The following EPHB3 variants were observed in gnomAD, a reference collection of about 807,000 sequenced individuals.
EPHB3 encodes EPH receptor B3.
In EPHB3, 33 loss-of-function variants were observed where a neutral mutation model predicts 100.2. The ratio of observed to expected loss-of-function variants is 0.33; its 90% CI spans 0.25 to 0.44. EPHB3 has a LOEUF of 0.44. EPHB3 is among the 20% of genes least tolerant of loss of function. The pLI is 1.00. For synonymous variants in EPHB3, 526 were observed against 554.7 expected (o/e 0.95, Z 0.73); for missense variants, 1,045 against 1,378.3 (o/e 0.76, Z 3.83).
At position 184,578,198 on chromosome 3, in the gene EPHB3, C is replaced by A. The variant is rs555148231; in HGVS notation, c.1748+192C>A. 1.2e-6 allele frequency: 1 copy of A among 860,006 alleles called. No homozygotes were observed. The highest frequency in any genetic ancestry group is 1.8e-6 in the Non-Finnish European group (1 of 568,264). The allele number at this position is 860,006 out of a possible 1,614,324, so 53.3% of individuals were successfully genotyped here. A position where few individuals can be genotyped will look rare whatever the true frequency, so the allele number is the denominator to read the frequency against. On this transcript the variant is annotated intron_variant, in intron 8 of 15. Coordinates refer to ENST00000330394, the MANE Select transcript of EPHB3 (RefSeq NM_004443.4). The surrounding 1 kb of genome is among the most constrained non-coding windows in gnomAD (Gnocchi z 4.7). ...GTCTTCATCCCGCCCTTTCTCCATA[C>A]CCCATTCCCTGAATCTCCGGGCAGG... is the stretch of plus-strand genomic sequence containing the variant.
rs533548773 is a variant in EPHB3, at chr3:184,569,530, C to G, written c.119-1788C>G. 2.6e-5 allele frequency among the ~76,000 whole-genome samples: 4 copies of G among 152,246 alleles called. No homozygotes were observed. The highest frequency in any genetic ancestry group is 9.6e-5 in the African/African-American group (4 of 41,556). On this transcript the variant is annotated intron_variant, in intron 1 of 15. Transcript: ENST00000330394. This position sits in a 1 kb window ranked among gnomAD's most constrained non-coding sequence, Gnocchi z 5.4. The stretch of plus-strand genomic sequence containing the variant: ...TGAGCATCTCGGCTTCCCTCGAGTA[C>G]CCCCCAGGCCGAATGTCTGTGTCTG...
At position 184,579,632 on chromosome 3, in the gene EPHB3, G is replaced by A; in HGVS notation, c.1924+33G>A. On this transcript the variant is annotated intron_variant, in intron 10 of 15. Coordinates refer to ENST00000330394, the MANE Select transcript of EPHB3 (RefSeq NM_004443.4). This position sits in a 1 kb window ranked among gnomAD's most constrained non-coding sequence, Gnocchi z 5.2. ...TCCCGGGGCACAGTAGAGATGAGAAGCTGAGGCGGGCTGGGTACAGGAGTG... is the reference window on the plus strand; with the variant it reads ...TCCCGGGGCACAGTAGAGATGAGAAACTGAGGCGGGCTGGGTACAGGAGTG... The A allele has an allele frequency of 6.2e-7, 1 of 1,612,796 alleles. No individual in the cohort carries two copies. Among genetic ancestry groups the A allele is most frequent in the Non-Finnish European group, 8.5e-7 (1 of 1,178,984 alleles).
In EPHB3 at chr3:184,573,186, G is replaced by C; in HGVS notation, c.856+10G>C. 6.2e-7 allele frequency: 1 copy of C among 1,610,078 alleles called. No individual in the cohort carries two copies. On this transcript the variant is annotated intron_variant, in intron 3 of 15. Transcript: ENST00000330394. The surrounding 1 kb of genome is among the most constrained non-coding windows in gnomAD (Gnocchi z 4.5). ...GAGTCCCAGTGCCGCCGTGAGTGGG[G>C]ACTGTCCTGGGGAAAGGGTTGTCGG...
At position 184,562,253 on chromosome 3, in the gene EPHB3, G is replaced by A. The variant is rs1048967080; in HGVS notation, c.18G>A (p.Pro6=). The A allele has an allele frequency of 1.4e-5, 14 of 974,954 alleles. No individual in the cohort carries two copies. The highest frequency in any genetic ancestry group is 1.7e-5 in the African/African-American group (1 of 57,422). 60.4% of individuals were successfully genotyped at this position (974,954 alleles called of 1,614,324 possible). Reference sequence around the variant, plus strand: ...CCACGGCCATGGCCAGAGCCCGCCCGCCGCCGCCGCCGTCGCCGCCGCCGG... The same window carrying A: ...CCACGGCCATGGCCAGAGCCCGCCCACCGCCGCCGCCGTCGCCGCCGCCGG... MARAR[P]PPPPSPPPGL... Residue 6 remains proline, a synonymous_variant, in exon 1 of 16, where the codon CCG becomes CCA. Transcript: ENST00000330394. This position sits in a 1 kb window ranked among gnomAD's most constrained non-coding sequence, Gnocchi z 4.8.
At position 184,577,890 on chromosome 3, in the gene EPHB3, A is replaced by G. The variant is rs781103105; in HGVS notation, c.1640-8A>G. ...CCCTCCACTCAGCAGCCCCTTCTCT[A>G]TCTCCAGGCTCTGGGGCCCAGCAGC... On this transcript the variant is annotated splice_region_variant and splice_polypyrimidine_tract_variant and intron_variant, in intron 7 of 15. Transcript: ENST00000330394. This position sits in a 1 kb window ranked among gnomAD's most constrained non-coding sequence, Gnocchi z 4.9. 9 of 1,612,766 alleles carry G rather than the reference A, an allele frequency of 5.6e-6. No individual in the cohort carries two copies. In the South Asian group the frequency reaches 9.9e-5, roughly 18 times the overall value.
chr3:184,580,951 G>C (rs749597101), intron 13 of EPHB3, 21 bp from the exon 14 acceptor site: 1 of 1,608,210 alleles, frequency 6.2e-7, no homozygotes, highest in East Asian at 2.2e-5. Context: ...CTCACTCAGG[G>C]TTTCCCTGCC....
Position 184,578,681 on chromosome 3 carries a change from C to T in EPHB3, c.1801+215C>T, listed in dbSNP as rs1370788728. On this transcript the variant is annotated intron_variant, in intron 9 of 15. Transcript: ENST00000330394. This position sits in a 1 kb window ranked among gnomAD's most constrained non-coding sequence, Gnocchi z 4.7. ...GCCCCAGAAATGACTGAGACGTGACCTCTCCCCCTAAAGGCAGTTAGTCCT... is the reference window on the plus strand; with the variant it reads ...GCCCCAGAAATGACTGAGACGTGACTTCTCCCCCTAAAGGCAGTTAGTCCT... Among the ~76,000 whole-genome samples, 2 of 152,188 alleles carry T rather than the reference C, an allele frequency of 1.3e-5. No individual in the cohort carries two copies. The highest frequency in any genetic ancestry group is 4.8e-5 in the African/African-American group (2 of 41,440).
Position 184,571,025 on chromosome 3 carries a change from G to A in EPHB3, c.119-293G>A, listed in dbSNP as rs928249249. Among the ~76,000 whole-genome samples the A allele has an allele frequency of 6.0e-5, 9 of 150,648 alleles. No individual in the cohort carries two copies. The highest frequency in any genetic ancestry group is 2.0e-4 in the African/African-American group (8 of 40,878). ...GGGTGGAGTGCAGTAGTGCAATCTC[G>A]GCTCACTGCAACCTCCGTCTCCCAG... On this transcript the variant is annotated intron_variant, in intron 1 of 15. Transcript: ENST00000330394. This position sits in a 1 kb window ranked among gnomAD's most constrained non-coding sequence, Gnocchi z 5.0.
intron 1 of EPHB3, among the ~76,000 whole-genome samples, chr3:184,568,200 G>A (rs1312987674): frequency 6.6e-6 from 1 of 152,174 alleles, no homozygotes; most frequent in Non-Finnish European, 1.5e-5. Context: ...AAACCTGAAA[G>A]AGGTATTGCT....
chr3:184,577,881 C>T lies in EPHB3; in HGVS notation c.1640-17C>T. ...ACTCTCTGTCCCTCCACTCAGCAGCCCCTTCTCTATCTCCAGGCTCTGGGG... is the reference window on the plus strand; with the variant it reads ...ACTCTCTGTCCCTCCACTCAGCAGCTCCTTCTCTATCTCCAGGCTCTGGGG... On this transcript the variant is annotated splice_polypyrimidine_tract_variant and intron_variant, in intron 7 of 15. Transcript: ENST00000330394. The surrounding 1 kb of genome is among the most constrained non-coding windows in gnomAD (Gnocchi z 4.9). 1 of 1,612,506 alleles carries T rather than the reference C, an allele frequency of 6.2e-7. No homozygotes were observed. Among genetic ancestry groups the T allele is most frequent in the South Asian group, 1.1e-5 (1 of 90,908 alleles).
chr3:184,580,652 G>A (rs1714795730), intron 12 of EPHB3, 35 bp downstream of exon 12: 2 of 1,609,996 alleles, frequency 1.2e-6, no homozygotes, highest in Non-Finnish European at 1.7e-6. Flanking sequence ...ACTGGGGGCG[G>A]GGCCTATCAG....
At position 184,572,131 on chromosome 3, in the gene EPHB3, G is replaced by A. The variant is rs536132576; in HGVS notation, c.184-373G>A. Among the ~76,000 whole-genome samples the A allele has an allele frequency of 3.2e-4, 48 of 152,342 alleles. No individual in the cohort carries two copies. Among genetic ancestry groups the A allele is most frequent in the Non-Finnish European group, 6.0e-4 (41 of 68,036 alleles). On this transcript the variant is annotated intron_variant, in intron 2 of 15. Coordinates refer to ENST00000330394, the MANE Select transcript of EPHB3 (RefSeq NM_004443.4). The surrounding 1 kb of genome is among the most constrained non-coding windows in gnomAD (Gnocchi z 6.6). ...ATTTAATTCCTCACAGCCTCGTTTA[G>A]TTCCAAGCAGCCCCATTTTACAGAT...
chr3:184,566,920 T>C (rs755664817), intron 1 of EPHB3, among the ~76,000 whole-genome samples: 3 of 152,180 alleles, frequency 2.0e-5, no homozygotes, highest in Admixed American at 6.5e-5. Context: ...CCCAGGGTGC[T>C]ATGGGGCCTG....
At position 184,578,592 on chromosome 3, in the gene EPHB3, T is replaced by G; in HGVS notation, c.1801+126T>G. On this transcript the variant is annotated intron_variant, in intron 9 of 15. Transcript: ENST00000330394. The surrounding 1 kb of genome is among the most constrained non-coding windows in gnomAD (Gnocchi z 4.7). ...CCTGAATGCCCCCTCCCACTTCCAG[T>G]CAAGTGGCATTTCCTGACCCCTATC... The G allele has an allele frequency of 8.0e-7, 1 of 1,246,878 alleles. No individual in the cohort carries two copies. Among genetic ancestry groups the G allele is most frequent in the South Asian group, 1.4e-5 (1 of 72,696 alleles). The allele number at this position is 1,246,878 out of a possible 1,614,324, so 77.2% of individuals were successfully genotyped here. A position where few individuals can be genotyped will look rare whatever the true frequency, so the allele number is the denominator to read the frequency against.
rs1560062139 is a variant in EPHB3, at chr3:184,577,754, C to G, written c.1576C>G (p.Arg526Gly). Residue 526 changes from arginine (R) to glycine (G), a missense_variant, in exon 7 of 16, where the codon CGC (arginine) becomes GGC (glycine). By Grantham distance (125) the Arg-to-Gly change is moderately radical (BLOSUM62 -2). This residue lies in a region of EPHB3 where 985 missense variants were observed against 1,331.1 expected (regional missense o/e 0.74). Coordinates refer to ENST00000330394, the MANE Select transcript of EPHB3 (RefSeq NM_004443.4). This position sits in a 1 kb window ranked among gnomAD's most constrained non-coding sequence, Gnocchi z 4.9. Reference sequence around the variant, plus strand: ...CCGCTATGTGGTCCAGGTCCGTGCCCGCACAGTAGCTGGCTATGGGCAGTA... The same window carrying G: ...CCGCTATGTGGTCCAGGTCCGTGCCGGCACAGTAGCTGGCTATGGGCAGTA... ...DARYVVQVRA[R>G]TVAGYGQYSR... The G allele has an allele frequency of 1.9e-6, 3 of 1,611,662 alleles. No individual in the cohort carries two copies. The highest frequency in any genetic ancestry group is 2.5e-6 in the Non-Finnish European group (3 of 1,178,448).
chr3:184,564,932 C>T (rs753640200), intron 1 of EPHB3, among the ~76,000 whole-genome samples: 10 of 152,248 alleles, frequency 6.6e-5, no homozygotes, highest in African/African-American at 1.9e-4. Flanking sequence ...CATTTGGTTT[C>T]GTCAGGATTT....
chr3:184,579,814 C>T lies in EPHB3; in HGVS notation c.2052C>T (p.Ser684=). 6.2e-7 allele frequency: 1 copy of T among 1,613,770 alleles called. No individual in the cohort carries two copies. Among genetic ancestry groups the T allele is most frequent in the Non-Finnish European group, 8.5e-7 (1 of 1,179,950 alleles). Residue 684 remains serine (S), a synonymous_variant, in exon 11 of 16, where the codon TCC becomes TCT. Transcript: ENST00000330394. The surrounding 1 kb of genome is among the most constrained non-coding windows in gnomAD (Gnocchi z 5.2). ...RQRRDFLSEA[S]IMGQFDHPNI... The stretch of plus-strand genomic sequence containing the variant: ...GGCGGGACTTCCTAAGCGAGGCCTC[C>T]ATCATGGGTCAGTTTGATCACCCCA...
chr3:184,567,470 A>G (rs544448264), intron 1 of EPHB3, among the ~76,000 whole-genome samples: 1 of 146,378 alleles, frequency 6.8e-6, no homozygotes, highest in African/African-American at 2.6e-5. Flanking sequence ...AAACAGAACC[A>G]TGCTTGCAGG....
chr3:184,568,447 C>G (rs1207176478), intron 1 of EPHB3, among the ~76,000 whole-genome samples: 1 of 152,202 alleles, frequency 6.6e-6, no homozygotes. Context: ...TGTCTTTACC[C>G]GCTGCCCCTC....
Sources: allele counts gnomAD v4.1 joint callset (sites outside exome capture counted in the v4.1 genomes callset), GRCh38; gene constraint gnomAD v4.1.1; regional missense constraint gnomAD v4.1.1; non-coding constraint Gnocchi (gnomAD v3.1); transcripts MANE v1.5; gene names NCBI Gene and HGNC (gene_info 2026-07-23, HGNC 2026-07-21).